The following ACVR1C variants were observed in gnomAD, a reference collection of about 807,000 sequenced individuals.
The protein encoded by ACVR1C is activin A receptor type 1C.
A neutral mutation model predicts 57.9 loss-of-function variants in ACVR1C; 23 were observed. The observed-to-expected ratio is 0.40, with a 90% CI of 0.29 to 0.56. The LOEUF is 0.56. Ranked by LOEUF, ACVR1C falls within the 20% of genes least tolerant of loss-of-function variation. The pLI is 0.50. For missense variants in ACVR1C, 480 were observed against 607.9 expected, an observed-to-expected ratio of 0.79 and a Z score of 2.21; for synonymous variants, 214 against 215.3, an observed-to-expected ratio of 0.99 and a Z score of 0.05.
At chr2:157,536,124 C>T (rs1185839236) in intron 8 of ACVR1C, among the ~76,000 whole-genome samples, 1 of 152,136 alleles carries the variant, frequency 6.6e-6, no homozygotes, top group Non-Finnish European at 1.5e-5. Flanking sequence ...GAGATACATA[C>T]CATAATGACA....
chr2:157,620,312 AAC>A (rs1443342523), intron 1 of ACVR1C, among the ~76,000 whole-genome samples: 5 of 152,100 alleles, frequency 3.3e-5, no homozygotes, highest in Non-Finnish European at 7.4e-5. Flanking sequence ...TTTAAGTGAG[AAC>A]ACAATCTCAC....
Position 157,628,567 on chromosome 2 carries a change from C to T in ACVR1C, c.73+5G>A, listed in dbSNP as rs1363309449. Reference sequence around the variant, plus strand: ...CGGGCGTCGGGAGAGAAACCAGCACCGTACCTGGCGAGAGCTCGGCGGCCG... The same window carrying T: ...CGGGCGTCGGGAGAGAAACCAGCACTGTACCTGGCGAGAGCTCGGCGGCCG... On this transcript the variant is annotated splice_donor_5th_base_variant and intron_variant, in intron 1 of 8. Coordinates refer to ENST00000243349, the MANE Select transcript of ACVR1C (RefSeq NM_145259.3). The T allele has an allele frequency of 3.1e-6, 5 of 1,607,366 alleles. No individual in the cohort carries two copies. The highest frequency in any genetic ancestry group is 4.2e-6 in the Non-Finnish European group (5 of 1,177,516).
chr2:157,547,063 C>T (rs1250834134), intron 4 of ACVR1C, among the ~76,000 whole-genome samples: 4 of 139,998 alleles, frequency 2.9e-5, no homozygotes, highest in Non-Finnish European at 4.6e-5. Flanking sequence ...TGAGAATATG[C>T]GGTGTTTGGT....
At chr2:157,552,404 A>T (rs1687944699) in intron 3 of ACVR1C, among the ~76,000 whole-genome samples, 1 of 152,202 alleles carries the variant, frequency 6.6e-6, no homozygotes, top group East Asian at 1.9e-4. Flanking sequence ...AAGTACTGGG[A>T]TTACAGGCGT....
chr2:157,546,952 T>G (rs980385624), intron 4 of ACVR1C, among the ~76,000 whole-genome samples: 6 of 150,660 alleles, frequency 4.0e-5, no homozygotes, highest in Non-Finnish European at 7.4e-5. Context: ...TATCTCCCGA[T>G]GCTATCCCTC....
chr2:157,574,785 A>G (rs1688604293), intron 2 of ACVR1C, among the ~76,000 whole-genome samples: 1 of 152,210 alleles, frequency 6.6e-6, no homozygotes, highest in African/African-American at 2.4e-5. Context: ...TGGGTAGTCC[A>G]ATAGTAGCAG....
intron 3 of ACVR1C, among the ~76,000 whole-genome samples, chr2:157,554,282 A>AGGAAGG (rs373870443): frequency 4.0e-5 from 5 of 123,792 alleles, no homozygotes; most frequent in East Asian, 4.6e-4. Flanking sequence ...GAAGGAAGGA[A>AGGAAGG]GAGAGAGAGA....
At chr2:157,564,182 T>C (rs1295668381) in intron 2 of ACVR1C, among the ~76,000 whole-genome samples, 1 of 152,128 alleles carries the variant, frequency 6.6e-6, no homozygotes. Flanking sequence ...ACAGGTAACC[T>C]ACAGAACGGA....
intron 1 of ACVR1C, among the ~76,000 whole-genome samples, chr2:157,605,106 T>G (rs1170028421): frequency 1.3e-5 from 2 of 151,792 alleles, no homozygotes; most frequent in Non-Finnish European, 3.0e-5. Context: ...TATTTATTTT[T>G]GCTTATGAAT....
chr2:157,566,609 T>C (rs1239512109), intron 2 of ACVR1C, among the ~76,000 whole-genome samples: 1 of 151,998 alleles, frequency 6.6e-6, no homozygotes, highest in South Asian at 2.1e-4. Context: ...TGGACGCACC[T>C]GGAAAATCGG....
At chr2:157,621,996 C>A (rs775950004) in intron 1 of ACVR1C, among the ~76,000 whole-genome samples, 1 of 152,132 alleles carries the variant, frequency 6.6e-6, no homozygotes, top group Admixed American at 6.5e-5. Context: ...TTCTAGATGT[C>A]ACCTCTTAAC....
intron 2 of ACVR1C, among the ~76,000 whole-genome samples, chr2:157,578,859 T>C (rs1007509035): frequency 6.6e-6 from 1 of 152,210 alleles, no homozygotes; most frequent in African/African-American, 2.4e-5. Context: ...GAATTCAACT[T>C]AATTGAATTT....
rs17856675 is a variant in ACVR1C, at chr2:157,544,523, C to T, written c.865G>A (p.Val289Met). 4.7e-5 allele frequency: 76 copies of T among 1,613,904 alleles called. No individual in the cohort carries two copies. The East Asian group carries it at 1.1e-3, about 24-fold the overall frequency. The change falls in exon 5 of 9, where the codon GTG (valine) becomes ATG (methionine). Residue 289 changes from valine to methionine, a missense_variant. By Grantham distance (21) the Val-to-Met change is conservative (BLOSUM62 1). Transcript: ENST00000243349. ...AGCGCCAGCTTGATCATTCCAGCCA[C>T]GGTCACTATATTTCTATTCAAATAG... ...YDYLNRNIVT[V>M]AGMIKLALSI...
intron 2 of ACVR1C, among the ~76,000 whole-genome samples, chr2:157,585,579 T>C (rs1441090198): frequency 6.6e-6 from 1 of 152,142 alleles, no homozygotes; most frequent in Non-Finnish European, 1.5e-5. Flanking sequence ...GATCATTCAC[T>C]ATTGGGAAGA....
chr2:157,566,768 G>A (rs1205632511), intron 2 of ACVR1C, among the ~76,000 whole-genome samples: 1 of 151,774 alleles, frequency 6.6e-6, no homozygotes, highest in African/African-American at 2.4e-5. Context: ...CTGCAAGGCG[G>A]CAACGAGGCT....
At chr2:157,565,934 A>C (rs946671437) in intron 2 of ACVR1C, among the ~76,000 whole-genome samples, 13 of 152,244 alleles carry the variant, frequency 8.5e-5, no homozygotes, top group African/African-American at 2.9e-4. Context: ...ATCTTGGATT[A>C]AGGAATATAA....
intron 7 of ACVR1C, among the ~76,000 whole-genome samples, chr2:157,539,015 T>C (rs1312687078): frequency 6.7e-6 from 1 of 149,404 alleles, no homozygotes; most frequent in Non-Finnish European, 1.5e-5. Flanking sequence ...TATAATTGTA[T>C]AAAATAAATT....
In ACVR1C at chr2:157,532,322, T is replaced by G. The variant is rs1195697512; in HGVS notation, c.*1596A>C. The G allele has an allele frequency of 6.6e-6, 1 of 151,548 alleles. No individual in the cohort carries two copies. Among genetic ancestry groups the G allele is most frequent in the Non-Finnish European group, 1.5e-5 (1 of 67,912 alleles). 9.4% of individuals were successfully genotyped at this position (151,548 alleles called of 1,614,324 possible). ...AGGGTTCCACCACGATCAGGTAATC[T>G]GAGCAATCCAGTTTAAAAAAAAATC... On this transcript the variant is annotated 3_prime_UTR_variant, in exon 9 of 9. Coordinates refer to ENST00000243349, the MANE Select transcript of ACVR1C (RefSeq NM_145259.3).
At chr2:157,549,513 G>T (rs978266823) in intron 4 of ACVR1C, among the ~76,000 whole-genome samples, 1 of 152,094 alleles carries the variant, frequency 6.6e-6, no homozygotes, top group Non-Finnish European at 1.5e-5. Flanking sequence ...CTTCTGTTCT[G>T]ATTAGTTGGT....
Sources: gnomAD v4.1 joint callset for allele counts (sites outside exome capture counted in the v4.1 genomes callset) on GRCh38, gnomAD v4.1.1 for gene constraint, MANE v1.5 for transcripts, NCBI Gene and HGNC (gene_info 2026-07-23, HGNC 2026-07-21) for gene names.